Variants in TENM4 observed in about 807,000 individuals in gnomAD.
TENM4 encodes the protein teneurin transmembrane protein 4.
TENM4 carries 82 observed loss-of-function variants against 243.3 expected under a neutral mutation model. The observed-to-expected ratio is 0.34, with a 90% CI of 0.28 to 0.40. TENM4 has a LOEUF of 0.40. TENM4 is among the 10% of genes least tolerant of loss of function. The pLI is 1.00. For synonymous variants in TENM4, 1,412 were observed against 1,456.3 expected, an observed-to-expected ratio of 0.97 and a Z score of 0.69; for missense variants, 3,138 against 3,673.3, an observed-to-expected ratio of 0.85 and a Z score of 3.77.
chr11:79,023,940 C>T lies in TENM4; in HGVS notation c.493+40798G>A, dbSNP rs529677844. Among the ~76,000 whole-genome samples, 19 of 152,256 alleles carry T rather than the reference C, an allele frequency of 1.2e-4. No individual in the cohort carries two copies. The South Asian group carries it at 2.9e-3, about 23-fold the overall frequency. ...CTACCAGATACGATGGCACCTACCA[C>T]GAAAGAAACATTAAGCATTGCTAGA... On this transcript the variant is annotated intron_variant, in intron 6 of 33. Coordinates refer to ENST00000278550, the MANE Select transcript of TENM4 (RefSeq NM_001098816.3).
At chr11:79,075,679 T>C (rs1860520565) in intron 4 of TENM4, among the ~76,000 whole-genome samples, 1 of 152,168 alleles carries the variant, frequency 6.6e-6, no homozygotes, top group Admixed American at 6.5e-5. Flanking sequence ...ACAAAGAGGC[T>C]CCAATCAAGA....
chr11:79,411,388 G>T (rs1324913875), intron 1 of TENM4, among the ~76,000 whole-genome samples: 1 of 152,204 alleles, frequency 6.6e-6, no homozygotes, highest in Non-Finnish European at 1.5e-5. Flanking sequence ...CTTCCAGGGG[G>T]TATTATTAGC....
At chr11:78,783,928 C>T (rs1310693102) in intron 16 of TENM4, among the ~76,000 whole-genome samples, 3 of 152,186 alleles carry the variant, frequency 2.0e-5, no homozygotes, top group Non-Finnish European at 4.4e-5. Flanking sequence ...CCAGATTTGT[C>T]TTGTTCTTTA....
intron 1 of TENM4, among the ~76,000 whole-genome samples, chr11:79,378,826 T>C (rs757553044): frequency 6.9e-6 from 1 of 145,950 alleles, no homozygotes; most frequent in African/African-American, 2.6e-5. Flanking sequence ...GAGGCTGTAG[T>C]GAGCTATGAT....
intron 22 of TENM4, among the ~76,000 whole-genome samples, chr11:78,727,184 C>G (rs1184201028): frequency 1.3e-5 from 2 of 152,194 alleles, no homozygotes; most frequent in African/African-American, 4.8e-5. Flanking sequence ...CGCGGTGGCT[C>G]ACGCCTGTAA....
At chr11:79,382,049 A>G (rs1314080639) in intron 1 of TENM4, among the ~76,000 whole-genome samples, 1 of 152,210 alleles carries the variant, frequency 6.6e-6, no homozygotes, top group Non-Finnish European at 1.5e-5. Flanking sequence ...GTGGTAGAAT[A>G]TTTTTGCATA....
In TENM4 at chr11:78,782,772, TA is replaced by T. The variant is rs11433535; in HGVS notation, c.2365+4125del. On this transcript the variant is annotated intron_variant, in intron 16 of 33. Transcript: ENST00000278550. The stretch of plus-strand genomic sequence containing the variant: ...CAGAGTGAGACTCTGTCTTTTTTTT[TA>T]AAAAAAAAAAAACTGGACAAAGCAC... Among the ~76,000 whole-genome samples, 617 of 146,868 alleles carry T rather than the reference TA, an allele frequency of 4.2e-3. 5 individuals carry two copies. Among genetic ancestry groups the T allele is most frequent in the African/African-American group, 0.015 (579 of 39,776 alleles).
At chr11:79,267,808 C>T (rs1855906245) in intron 2 of TENM4, among the ~76,000 whole-genome samples, 1 of 152,186 alleles carries the variant, frequency 6.6e-6, no homozygotes, top group South Asian at 2.1e-4. Flanking sequence ...TTAGGGAAAA[C>T]TATGATTCTT....
intron 15 of TENM4, among the ~76,000 whole-genome samples, chr11:78,791,038 T>C (rs1857045373): frequency 6.6e-6 from 1 of 152,128 alleles, no homozygotes; most frequent in Admixed American, 6.5e-5. Flanking sequence ...ACAAGCTGGG[T>C]TGTGAGCTCT....
intron 4 of TENM4, among the ~76,000 whole-genome samples, chr11:79,091,504 T>C (rs1467993904): frequency 2.0e-5 from 3 of 152,084 alleles, no homozygotes; most frequent in Non-Finnish European, 2.9e-5. Flanking sequence ...AAAAAGCAAA[T>C]CAGACCACAA....
At chr11:79,403,601 G>C (rs1858505817) in intron 1 of TENM4, among the ~76,000 whole-genome samples, 1 of 152,138 alleles carries the variant, frequency 6.6e-6, no homozygotes, top group South Asian at 2.1e-4. Context: ...CTGTTCCACT[G>C]TCATGTAATT....
At chr11:78,773,935 T>G (rs960170801) in intron 17 of TENM4, among the ~76,000 whole-genome samples, 1 of 152,210 alleles carries the variant, frequency 6.6e-6, no homozygotes, top group African/African-American at 2.4e-5. Flanking sequence ...CAGATCCAAT[T>G]TTACACCATT....
intron 1 of TENM4, among the ~76,000 whole-genome samples, chr11:79,400,099 C>CCACACACACACA (rs71050221): frequency 8.2e-4 from 116 of 140,670 alleles, no homozygotes; most frequent in East Asian, 2.6e-3. Context: ...TAAACACACA[C>CCACACACACACA]CACACACACA....
At chr11:79,081,534 G>GGTGTGTGTGTGTGT (rs56237099) in intron 4 of TENM4, among the ~76,000 whole-genome samples, 24,115 of 148,054 alleles carry the variant, frequency 0.16, 2,124 homozygotes, top group Non-Finnish European at 0.21. Flanking sequence ...TGTCAGAGGT[G>GGTGTGTGTGTGTGT]GTGTGTGTGT....
chr11:79,194,984 C>A (rs938174656), intron 3 of TENM4, among the ~76,000 whole-genome samples: 12 of 152,164 alleles, frequency 7.9e-5, no homozygotes, highest in African/African-American at 2.9e-4. Flanking sequence ...TGTGTGCAGC[C>A]TAGGGACTTG....
At chr11:79,193,467 T>C (rs1048928652) in intron 3 of TENM4, among the ~76,000 whole-genome samples, 4 of 152,190 alleles carry the variant, frequency 2.6e-5, no homozygotes, top group African/African-American at 9.6e-5. Context: ...TCTGGTGCAT[T>C]GGACTGAGAA....
At chr11:78,853,530 C>T (rs1295243865) in intron 12 of TENM4, among the ~76,000 whole-genome samples, 1 of 152,154 alleles carries the variant, frequency 6.6e-6, no homozygotes, top group African/African-American at 2.4e-5. Context: ...TTATTTCGCA[C>T]ATCAGGGCCC....
intron 6 of TENM4, among the ~76,000 whole-genome samples, chr11:78,947,117 T>A (rs945867553): frequency 6.6e-6 from 1 of 152,172 alleles, no homozygotes; most frequent in Non-Finnish European, 1.5e-5. Context: ...TACAGAGAAA[T>A]CTTTCAGGAA....
intron 22 of TENM4, 81 bp from the exon 23 acceptor site, chr11:78,726,303 G>A: frequency 2.0e-6 from 3 of 1,471,178 alleles, no homozygotes; most frequent in Non-Finnish European, 2.7e-6. Flanking sequence ...CAAGGCCCCT[G>A]GCTTATCTTT....
Sources: allele counts gnomAD v4.1 joint callset (sites outside exome capture counted in the v4.1 genomes callset), GRCh38; gene constraint gnomAD v4.1.1; transcripts MANE v1.5; gene names NCBI Gene and HGNC (gene_info 2026-07-23, HGNC 2026-07-21).